UPP2: variants seen among roughly 807,000 people sequenced by gnomAD.
The protein encoded by UPP2 is UPase 2.
In UPP2, 23 loss-of-function variants were observed where a neutral mutation model predicts 26.7. The observed-to-expected ratio is 0.86, with a 90% CI of 0.62 to 1.22. UPP2 has a LOEUF of 1.22. UPP2 is among the 50% of genes most tolerant of loss of function. The pLI, the probability that UPP2 is intolerant of heterozygous loss-of-function variation, is 0.00. For synonymous variants in UPP2, 127 were observed against 141.3 expected, an observed-to-expected ratio of 0.90 and a Z score of 0.72; for missense variants, 387 against 396.7, an observed-to-expected ratio of 0.98 and a Z score of 0.21.
At position 157,996,772 on chromosome 2, in the gene UPP2, A is replaced by G. The variant is rs200908666; in HGVS notation, c.61+1513A>G. Among the ~76,000 whole-genome samples the G allele has an allele frequency of 1.4e-4, 22 of 152,322 alleles. No homozygotes were observed. The East Asian group carries it at 3.1e-3, about 21-fold the overall frequency. ...GATGAAGCATATTGATTAAACTTCAATGAGAAGTTTAATAGGAAAGTCTTT... is the reference window on the plus strand; with the variant it reads ...GATGAAGCATATTGATTAAACTTCAGTGAGAAGTTTAATAGGAAAGTCTTT... On this transcript the variant is annotated intron_variant, in intron 2 of 9. Coordinates refer to the UPP2 transcript ENST00000605860.
chr2:158,010,440 A>G (rs2105140439), intron 2 of UPP2, among the ~76,000 whole-genome samples: 1 of 152,306 alleles, frequency 6.6e-6, no homozygotes, highest in Non-Finnish European at 1.5e-5. Context: ...CCAACCATTA[A>G]CTTTTACTTC....
chr2:158,057,161 A>C (rs1435532603), intron 3 of UPP2, among the ~76,000 whole-genome samples: 1 of 152,182 alleles, frequency 6.6e-6, no homozygotes, highest in Non-Finnish European at 1.5e-5. Flanking sequence ...ATCACTGTTG[A>C]TGTTGACCTT....
At chr2:158,077,589 A>G (rs114388434) in intron 3 of UPP2, among the ~76,000 whole-genome samples, 221 of 152,304 alleles carry the variant, frequency 1.5e-3, no homozygotes, top group Non-Finnish European at 2.8e-3. Context: ...ATCCATAGGC[A>G]GAAGAATAAA....
rs545668104 is a variant in UPP2, at chr2:158,048,121, C to T, written c.147+32235C>T. ...CCAAGCACCTAATCTATAAGGGGCA[C>T]TAAACAGTACTAGACACAGAAAAGA... On this transcript the variant is annotated intron_variant, in intron 3 of 9. Transcript: ENST00000605860. Among the ~76,000 whole-genome samples the T allele has an allele frequency of 3.9e-5, 6 of 152,220 alleles. No individual in the cohort carries two copies. In the South Asian group the frequency reaches 1.0e-3, roughly 26 times the overall value.
chr2:158,011,442 C>T (rs1683577763), intron 2 of UPP2, among the ~76,000 whole-genome samples: 1 of 152,116 alleles, frequency 6.6e-6, no homozygotes, highest in African/African-American at 2.4e-5. Context: ...GGCTCTCTAA[C>T]TGGAGAGAAG....
intron 3 of UPP2, among the ~76,000 whole-genome samples, chr2:158,023,843 T>C (rs1015562574): frequency 5.9e-5 from 9 of 152,154 alleles, no homozygotes; most frequent in African/African-American, 1.9e-4. Context: ...CCTCCTATGT[T>C]CAAGCAGCAA....
Position 158,105,951 on chromosome 2 carries a change from G to A in UPP2, c.63-148G>A, listed in dbSNP as rs140836683. The A allele has an allele frequency of 2.8e-4, 176 of 628,008 alleles. 2 individuals are homozygous for A. The highest frequency in any genetic ancestry group is 2.7e-3 in the African/African-American group (147 of 53,644). 38.9% of individuals were successfully genotyped at this position (628,008 alleles called of 1,614,324 possible). A position where few individuals can be genotyped will look rare whatever the true frequency, so the allele number is the denominator to read the frequency against. ...AGTGCTATGCTTGGCACATAGTGTG[G>A]GCAAATATTAGCCATAATTACTGTT... On this transcript the variant is annotated intron_variant, in intron 1 of 6. Transcript: ENST00000005756.
At chr2:158,065,531 T>A in intron 3 of UPP2, 1 of 456,280 alleles carries the variant, frequency 2.2e-6, no homozygotes, top group South Asian at 1.9e-5. Flanking sequence ...TGAGTGTCTT[T>A]TAACTAAATT....
At chr2:158,044,823 T>G (rs1362871778) in intron 3 of UPP2, among the ~76,000 whole-genome samples, 2 of 152,180 alleles carry the variant, frequency 1.3e-5, no homozygotes, top group African/African-American at 2.4e-5. Flanking sequence ...TAGTAAGATG[T>G]TTGCTGTTTC....
chr2:158,053,031 G>A (rs1203280539), intron 3 of UPP2, among the ~76,000 whole-genome samples: 1 of 152,154 alleles, frequency 6.6e-6, no homozygotes, highest in South Asian at 2.1e-4. Flanking sequence ...TCATTACAGG[G>A]AAAGGATGGG....
intron 1 of UPP2, among the ~76,000 whole-genome samples, chr2:158,104,916 G>C (rs902416698): frequency 7.9e-6 from 1 of 127,256 alleles, no homozygotes; most frequent in African/African-American, 3.1e-5. Flanking sequence ...GCGAAACTCT[G>C]AAAGGGAAGG....
In UPP2 at chr2:158,041,444, G is replaced by A. The variant is rs557822275; in HGVS notation, c.147+25558G>A. 2.7e-5 allele frequency among the ~76,000 whole-genome samples: 4 copies of A among 149,418 alleles called. 1 individual carries two copies. The highest frequency in any genetic ancestry group is 6.6e-5 in the Admixed American group (1 of 15,066). Reference sequence around the variant, plus strand: ...GGGTCATTTCTGCAAAAATATTAAAGGACTTCACTCATTTCCCCGAGAGTC... The same window carrying A: ...GGGTCATTTCTGCAAAAATATTAAAAGACTTCACTCATTTCCCCGAGAGTC... On this transcript the variant is annotated intron_variant, in intron 3 of 9. Coordinates refer to the UPP2 transcript ENST00000605860.
At chr2:158,121,743 T>C in intron 5 of UPP2, 125 bp downstream of exon 5, 2 of 851,250 alleles carry the variant, frequency 2.3e-6, no homozygotes, top group Non-Finnish European at 3.6e-6. Flanking sequence ...AAAAAGGAAA[T>C]GAAACAGCCT....
chr2:158,053,816 T>C (rs1189889440), intron 3 of UPP2, among the ~76,000 whole-genome samples: 1 of 152,210 alleles, frequency 6.6e-6, no homozygotes, highest in African/African-American at 2.4e-5. Flanking sequence ...ATGTGGAGAA[T>C]GGGGCATAGA....
At chr2:158,034,162 A>T (rs1234866119) in intron 3 of UPP2, among the ~76,000 whole-genome samples, 1 of 151,884 alleles carries the variant, frequency 6.6e-6, no homozygotes, top group Non-Finnish European at 1.5e-5. Context: ...ATGAATTCCA[A>T]CCTTCCACCT....
Position 158,121,468 on chromosome 2 carries a change from C to CAAT in UPP2, c.514_515insAAT (p.Arg172delinsGlnTrp). The CAAT allele has an allele frequency of 8.7e-6, 14 of 1,613,426 alleles. 1 individual carries two copies. The highest frequency in any genetic ancestry group is 8.5e-6 in the Non-Finnish European group (10 of 1,179,474). Reference sequence around the variant, plus strand: ...AGCTGTAGACTCCTTCTTTAAGCCCCGGTTTGAACAGGTCATTTTGGACAA... The same window carrying CAAT: ...AGCTGTAGACTCCTTCTTTAAGCCCCAATGGTTTGAACAGGTCATTTTGGACAA... On this transcript the variant is annotated protein_altering_variant, in exon 5 of 7. Transcript: ENST00000005756.
intron 3 of UPP2, among the ~76,000 whole-genome samples, chr2:158,093,610 T>C (rs962764136): frequency 6.6e-6 from 1 of 152,030 alleles, no homozygotes; most frequent in African/African-American, 2.4e-5. Flanking sequence ...CAAACATATA[T>C]AAAGGCGTTT....
upstream of UPP2, among the ~76,000 whole-genome samples, chr2:158,097,659 G>T (rs892997683): frequency 6.6e-6 from 1 of 152,170 alleles, no homozygotes; most frequent in African/African-American, 2.4e-5. Flanking sequence ...GCCTCAGCAT[G>T]GGTCAGCCTC....
chr2:158,099,803 G>A (rs1435349314), upstream of UPP2, among the ~76,000 whole-genome samples: 1 of 152,184 alleles, frequency 6.6e-6, no homozygotes, highest in African/African-American at 2.4e-5. Context: ...GCATCATAAA[G>A]GAAGACGGTA....
Sources: allele counts gnomAD v4.1 joint callset (sites outside exome capture counted in the v4.1 genomes callset), GRCh38; gene constraint gnomAD v4.1.1; transcripts MANE v1.5; gene names NCBI Gene and HGNC (gene_info 2026-07-23, HGNC 2026-07-21).